THADA: variants seen among roughly 807,000 people sequenced by gnomAD.
The protein encoded by THADA is tRNA (32-2'-O)-methyltransferase regulator THADA.
A neutral mutation model predicts 219.8 loss-of-function variants in THADA; 213 were observed. That is an observed-to-expected ratio of 0.97 (90% CI 0.87 to 1.09). THADA has a LOEUF of 1.09. Among genes scored for constraint, THADA ranks in the 50% least tolerant of loss-of-function variants. The pLI is 0.00. For synonymous variants in THADA, 1,018 were observed against 828.9 expected (o/e 1.23, Z -3.92); for missense variants, 2,956 against 2,311.3 (o/e 1.28, Z -5.72).
At chr2:43,388,788 T>A (rs1054653081) in intron 29 of THADA, among the ~76,000 whole-genome samples, 1 of 152,238 alleles carries the variant, frequency 6.6e-6, no homozygotes, top group African/African-American at 2.4e-5. Flanking sequence ...GACTTATTTG[T>A]CTCATGCACT....
intron 36 of THADA, among the ~76,000 whole-genome samples, chr2:43,260,550 C>T (rs1670823073): frequency 6.6e-6 from 1 of 152,212 alleles, no homozygotes; most frequent in Non-Finnish European, 1.5e-5. Context: ...AATGCAAGTA[C>T]TTCCTCTGAA....
chr2:43,248,154 TATATATATATAGAGAGAGAG>T (rs1422429752), intron 36 of THADA, among the ~76,000 whole-genome samples: 367 of 85,108 alleles, frequency 4.3e-3, no homozygotes, highest in African/African-American at 5.8e-3. Flanking sequence ...TATATATATA[TATATATATATAGAGAGAGAG>T]AGAGAGAGAG....
rs1421296139 is a variant in THADA, at chr2:43,556,415, G to A, written c.2604C>T (p.Tyr868=). The change falls in exon 17 of 38, where the codon TAC becomes TAT. Residue 868 remains tyrosine, a synonymous_variant. Transcript: ENST00000405975. ...QDALPSSLSA[Y]LTQQVACDNG... is the part of the protein sequence containing the mutation. ...TATCACATGCAACTTGCTGAGTTAAGTAGGCAGACAAGGATGACGGTAGAG... is the reference window on the plus strand; with the variant it reads ...TATCACATGCAACTTGCTGAGTTAAATAGGCAGACAAGGATGACGGTAGAG... The A allele has an allele frequency of 1.2e-6, 2 of 1,613,856 alleles. No individual in the cohort carries two copies. The highest frequency in any genetic ancestry group is 1.3e-5 in the African/African-American group (1 of 74,992).
intron 30 of THADA, among the ~76,000 whole-genome samples, chr2:43,330,433 C>G (rs1474229025): frequency 6.6e-6 from 1 of 152,224 alleles, no homozygotes; most frequent in Non-Finnish European, 1.5e-5. Context: ...AAGACCAGCT[C>G]ATGCTGCCCA....
intron 23 of THADA, among the ~76,000 whole-genome samples, chr2:43,506,188 G>A (rs921002344): frequency 6.6e-6 from 1 of 152,196 alleles, no homozygotes; most frequent in South Asian, 2.1e-4. Context: ...AGATGAAGCA[G>A]TTAGTTAATT....
chr2:43,425,305 C>T (rs558015750), intron 28 of THADA, among the ~76,000 whole-genome samples: 3 of 152,236 alleles, frequency 2.0e-5, no homozygotes, highest in African/African-American at 7.2e-5. Flanking sequence ...AAAGGTTGGT[C>T]TACTTCCTAC....
intron 31 of THADA, among the ~76,000 whole-genome samples, chr2:43,307,414 G>A (rs1676989074): frequency 6.6e-6 from 1 of 151,676 alleles, no homozygotes; most frequent in Non-Finnish European, 1.5e-5. Context: ...GCTGAATACT[G>A]ATTTGCACAT....
At position 43,292,088 on chromosome 2, in the gene THADA, G is replaced by A; in HGVS notation, c.4937+16C>T. 1 of 1,556,708 alleles carries A rather than the reference G, an allele frequency of 6.4e-7. No individual in the cohort carries two copies. Among genetic ancestry groups the A allele is most frequent in the Non-Finnish European group, 8.8e-7 (1 of 1,142,006 alleles). ...TACATCTTACCAAGGTTGCACAGGA[G>A]GTTTTGGGGGCAAACCTTTCATTGG... On this transcript the variant is annotated intron_variant, in intron 33 of 37. Coordinates refer to ENST00000405975, the MANE Select transcript of THADA (RefSeq NM_022065.5).
intron 29 of THADA, among the ~76,000 whole-genome samples, chr2:43,394,891 C>T (rs949329365): frequency 2.6e-5 from 4 of 152,204 alleles, no homozygotes; most frequent in African/African-American, 9.7e-5. Context: ...CTTCATCCCA[C>T]CAACACTTAG....
intron 30 of THADA, among the ~76,000 whole-genome samples, chr2:43,337,600 G>T (rs113321808): frequency 6.6e-6 from 1 of 152,058 alleles, no homozygotes; most frequent in African/African-American, 2.4e-5. Context: ...CAATCTGGCA[G>T]TGTATACCAA....
intron 36 of THADA, among the ~76,000 whole-genome samples, chr2:43,246,347 T>G (rs146202525): frequency 0.03 from 4,515 of 152,024 alleles, 237 homozygotes; most frequent in African/African-American, 0.1. Flanking sequence ...ATATAAAAAT[T>G]AGCCGGGCAC....
intron 36 of THADA, among the ~76,000 whole-genome samples, chr2:43,275,472 T>C (rs145406379): frequency 2.7e-3 from 416 of 152,278 alleles, no homozygotes; most frequent in African/African-American, 9.6e-3. Flanking sequence ...CTGCCTGCCC[T>C]GTCCCCATGG....
chr2:43,423,145 T>C (rs995538551), intron 28 of THADA, among the ~76,000 whole-genome samples: 4 of 149,362 alleles, frequency 2.7e-5, no homozygotes, highest in African/African-American at 9.9e-5. Flanking sequence ...GTAATGGTCT[T>C]ATGCCTGAAT....
In THADA at chr2:43,329,425, C is replaced by T. The variant is rs191364116; in HGVS notation, c.4344-8885G>A. Among the ~76,000 whole-genome samples, 402 of 152,222 alleles carry T rather than the reference C, an allele frequency of 2.6e-3. 1 individual carries two copies. Among genetic ancestry groups the T allele is most frequent in the Non-Finnish European group, 3.0e-3 (203 of 68,006 alleles). On this transcript the variant is annotated intron_variant, in intron 30 of 37. Transcript: ENST00000405975. ...ACAAGGGGAGAATTTCTAACAGCAC[C>T]GTCAATAGGACCGTGGTCATGTGAA...
At chr2:43,541,791 G>T (rs1695356601) in intron 20 of THADA, among the ~76,000 whole-genome samples, 1 of 151,936 alleles carries the variant, frequency 6.6e-6, no homozygotes, top group East Asian at 1.9e-4. Context: ...ACCATGCCAG[G>T]CCCAGTATTT....
In THADA at chr2:43,454,361, G is replaced by A. The variant is rs1682724919; in HGVS notation, c.3837-24059C>T. Among the ~76,000 whole-genome samples, 3 of 152,066 alleles carry A rather than the reference G, an allele frequency of 2.0e-5. No homozygotes were observed. The South Asian group carries it at 6.2e-4, about 32-fold the overall frequency. The stretch of plus-strand genomic sequence containing the variant: ...CATGCCTGTAATCCCAACACTTTGG[G>A]AGGCTGAGGTGGGAGAATTGCTTGA... On this transcript the variant is annotated intron_variant, in intron 26 of 37. Coordinates refer to ENST00000405975, the MANE Select transcript of THADA (RefSeq NM_022065.5).
chr2:43,386,601 A>G (rs928548828), intron 29 of THADA, among the ~76,000 whole-genome samples: 4 of 152,182 alleles, frequency 2.6e-5, no homozygotes, highest in African/African-American at 9.6e-5. Flanking sequence ...AATAATATTA[A>G]CATAATTACG....
At chr2:43,490,743 C>T (rs1687527065) in intron 25 of THADA, among the ~76,000 whole-genome samples, 1 of 152,070 alleles carries the variant, frequency 6.6e-6, no homozygotes, top group African/African-American at 2.4e-5. Context: ...TAATTGTTAT[C>T]TCTTATGATA....
chr2:43,462,300 A>G (rs1405830615), intron 26 of THADA, among the ~76,000 whole-genome samples: 1 of 152,200 alleles, frequency 6.6e-6, no homozygotes, highest in East Asian at 1.9e-4. Flanking sequence ...ACAAAAGGGG[A>G]AGGCGCTGAC....
Sources: gnomAD v4.1 joint callset for allele counts (sites outside exome capture counted in the v4.1 genomes callset) on GRCh38, gnomAD v4.1.1 for gene constraint, MANE v1.5 for transcripts, NCBI Gene and HGNC (gene_info 2026-07-23, HGNC 2026-07-21) for gene names.